Variants in RELN observed in about 807,000 individuals in gnomAD.
RELN encodes the protein reelin.
RELN carries 108 observed loss-of-function variants against 427.6 expected under a neutral mutation model. The ratio of observed to expected loss-of-function variants is 0.25; its 90% confidence interval spans 0.22 to 0.30. The LOEUF (loss-of-function observed/expected upper bound fraction) is 0.30, where lower values mean the gene tolerates loss of function less well. Among genes scored for constraint, RELN ranks in the 10% least tolerant of loss-of-function variants. The pLI, the probability that RELN is intolerant of heterozygous loss-of-function variation, is 1.00. For missense variants in RELN, 3,715 were observed against 4,302.8 expected (o/e 0.86, Z 3.82); for synonymous variants, 1,524 against 1,513.4 (o/e 1.01, Z -0.16).
chr7:103,742,338 A>C (rs1331471841), intron 6 of RELN, among the ~76,000 whole-genome samples: 1 of 152,228 alleles, frequency 6.6e-6, no homozygotes, highest in African/African-American at 2.4e-5. Context: ...GAAAAACCGG[A>C]AACTCTAAAA....
chr7:103,882,835 C>T (rs1794639003), intron 2 of RELN, among the ~76,000 whole-genome samples: 1 of 152,182 alleles, frequency 6.6e-6, no homozygotes, highest in Non-Finnish European at 1.5e-5. Flanking sequence ...CAGACGGATT[C>T]ACAGCCGAAT....
chr7:103,627,304 G>A (rs1016285196), intron 20 of RELN, among the ~76,000 whole-genome samples: 2 of 152,066 alleles, frequency 1.3e-5, no homozygotes, highest in Non-Finnish European at 2.9e-5. Context: ...ATGACAGCTT[G>A]TTTTAGGACT....
intron 4 of RELN, among the ~76,000 whole-genome samples, chr7:103,776,043 C>CA (rs1199986427): frequency 1.3e-5 from 2 of 152,214 alleles, no homozygotes; most frequent in Non-Finnish European, 2.9e-5. Context: ...CATGTGCATG[C>CA]ATCCCGGTCA....
chr7:103,962,537 A>C (rs1031558528), intron 1 of RELN, among the ~76,000 whole-genome samples: 1 of 152,178 alleles, frequency 6.6e-6, no homozygotes, highest in African/African-American at 2.4e-5. Context: ...GCACCTCACC[A>C]GTAGATTTCA....
chr7:103,903,730 G>C (rs1360619284), intron 2 of RELN, among the ~76,000 whole-genome samples: 1 of 151,828 alleles, frequency 6.6e-6, no homozygotes, highest in Non-Finnish European at 1.5e-5. Flanking sequence ...ATATGATTCT[G>C]AGCATATTCA....
intron 3 of RELN, among the ~76,000 whole-genome samples, chr7:103,790,265 A>G (rs2116267836): frequency 1.3e-5 from 2 of 152,248 alleles, no homozygotes; most frequent in South Asian, 4.1e-4. Flanking sequence ...GCAAACCACC[A>G]TGGCACATGT....
intron 24 of RELN, among the ~76,000 whole-genome samples, chr7:103,599,557 T>C (rs1831616361): frequency 6.6e-6 from 1 of 152,122 alleles, no homozygotes; most frequent in South Asian, 2.1e-4. Flanking sequence ...ACATTCTGCT[T>C]GGTATTGTGA....
rs1418636807 is a variant in RELN at position 103,968,355 on chromosome 7, A to G, written c.226+20776T>C. 6.6e-6 allele frequency among the ~76,000 whole-genome samples: 1 copy of G among 152,186 alleles called. No individual in the cohort carries two copies. Among genetic ancestry groups the G allele is most frequent in the African/African-American group, 2.4e-5 (1 of 41,448 alleles). ...CTCAGAAGTAAGAGAACTAAAGAAG[A>G]GTATATTAGATTATCTCAGAGATGC... is the stretch of plus-strand genomic sequence containing the variant. On this transcript the variant is annotated intron_variant, in intron 1 of 64. Coordinates refer to ENST00000428762, the MANE Select transcript of RELN (RefSeq NM_005045.4). The surrounding 1 kb of genome is among the most constrained non-coding windows in gnomAD (Gnocchi z 4.3).
intron 1 of RELN, among the ~76,000 whole-genome samples, chr7:103,941,695 C>T (rs1030072406): frequency 6.6e-6 from 1 of 152,072 alleles, no homozygotes; most frequent in Non-Finnish European, 1.5e-5. Flanking sequence ...CTAGTCCAAA[C>T]ACATATATAA....
chr7:103,719,247 G>T (rs1274055816), intron 8 of RELN, among the ~76,000 whole-genome samples: 1 of 152,022 alleles, frequency 6.6e-6, no homozygotes, highest in Non-Finnish European at 1.5e-5. Flanking sequence ...TGCTCTAGGA[G>T]GGCACGCATG....
At chr7:103,755,647 A>T (rs1791125326) in intron 4 of RELN, among the ~76,000 whole-genome samples, 1 of 147,022 alleles carries the variant, frequency 6.8e-6, no homozygotes, top group Non-Finnish European at 1.5e-5. Flanking sequence ...AAAATAAAAT[A>T]ATTAAATAAC....
At chr7:103,906,334 T>A (rs1168557816) in intron 2 of RELN, among the ~76,000 whole-genome samples, 1 of 152,142 alleles carries the variant, frequency 6.6e-6, no homozygotes, top group African/African-American at 2.4e-5. Context: ...GGGTTCTTTA[T>A]CCATAAAATA....
At position 103,635,531 on chromosome 7, in the gene RELN, C is replaced by A. The variant is rs1254113534; in HGVS notation, c.2359G>T (p.Ala787Ser). The A allele has an allele frequency of 1.2e-6, 2 of 1,614,020 alleles. No individual in the cohort carries two copies. The highest frequency in any genetic ancestry group is 1.7e-6 in the Non-Finnish European group (2 of 1,179,900). Residue 787 changes from alanine to serine, a missense_variant, in exon 19 of 65, where the codon GCC becomes TCC. This residue lies in a region of RELN where 2,208 missense variants were observed against 2,361.7 expected (regional missense o/e 0.93). Transcript: ENST00000428762. ...ACTCCTTCACCAGGCTGATCAGGGG[C>A]TCTGCACGTGCTCAGAACAGATTTG... The part of the protein sequence containing the change: ...GSKSVLSTCR[A>S]PDQPGEGVLL...
chr7:103,923,744 G>A (rs1795666018), intron 1 of RELN, among the ~76,000 whole-genome samples: 1 of 151,982 alleles, frequency 6.6e-6, no homozygotes, highest in East Asian at 1.9e-4. Context: ...ATCTCCAGAG[G>A]AGCATTGCTA....
At chr7:103,534,938 C>T (rs982695993) in intron 46 of RELN, among the ~76,000 whole-genome samples, 19 of 151,496 alleles carry the variant, frequency 1.3e-4, no homozygotes, top group African/African-American at 4.4e-4. Context: ...ACAGCAGTCT[C>T]ACTAGCAGAA....
intron 4 of RELN, among the ~76,000 whole-genome samples, chr7:103,773,357 C>A (rs1791645792): frequency 3.5e-5 from 1 of 28,670 alleles, no homozygotes; most frequent in Non-Finnish European, 5.6e-5. Context: ...CTCTCTCTCC[C>A]TCTCTCTCTC....
intron 2 of RELN, among the ~76,000 whole-genome samples, chr7:103,911,931 C>T (rs1795376178): frequency 1.3e-5 from 2 of 149,478 alleles, no homozygotes; most frequent in South Asian, 4.3e-4. Flanking sequence ...GTGCAGCGCA[C>T]CAGCATGGCA....
intron 27 of RELN, among the ~76,000 whole-genome samples, chr7:103,590,332 G>A (rs1006191347): frequency 6.6e-6 from 1 of 152,150 alleles, no homozygotes; most frequent in Non-Finnish European, 1.5e-5. Context: ...GGGAGGCTGA[G>A]GCGGGTGGAT....
intron 8 of RELN, among the ~76,000 whole-genome samples, chr7:103,714,694 G>C (rs1306595868): frequency 6.6e-6 from 1 of 152,188 alleles, no homozygotes; most frequent in African/African-American, 2.4e-5. Flanking sequence ...TTTGATTCAA[G>C]GGTAAGAAGC....
Sources: gnomAD v4.1 joint callset for allele counts (sites outside exome capture counted in the v4.1 genomes callset) on GRCh38, gnomAD v4.1.1 for gene constraint, gnomAD v4.1.1 regional missense constraint, Gnocchi (gnomAD v3.1) non-coding constraint, MANE v1.5 for transcripts, NCBI Gene and HGNC (gene_info 2026-07-23, HGNC 2026-07-21) for gene names.